INPP4B: variants seen among roughly 807,000 people sequenced by gnomAD.
INPP4B encodes the protein inositol polyphosphate-4-phosphatase type II B, also known as inositol polyphosphate 4-phosphatase type II.
INPP4B carries 55 observed loss-of-function variants against 122.5 expected under a neutral mutation model. The ratio of observed to expected loss-of-function variants is 0.45; its 90% CI spans 0.36 to 0.56. The LOEUF is 0.56. INPP4B is among the 20% of genes least tolerant of loss of function. The pLI is 0.00. For synonymous variants in INPP4B, 403 were observed against 388.7 expected (o/e 1.04, Z -0.43); for missense variants, 1,000 against 1,097.7 (o/e 0.91, Z 1.26).
At chr4:142,029,807 A>G in intron 25 of INPP4B, 1 of 1,007,374 alleles carries the variant, frequency 9.9e-7, no homozygotes. Flanking sequence ...TTCTTTAATA[A>G]ATTTAGTGGG....
chr4:142,517,437 G>A (rs1410856678), intron 2 of INPP4B, among the ~76,000 whole-genome samples: 1 of 152,066 alleles, frequency 6.6e-6, no homozygotes, highest in African/African-American at 2.4e-5. Flanking sequence ...ATGTTACGCA[G>A]CTGACAATAC....
intron 7 of INPP4B, among the ~76,000 whole-genome samples, chr4:142,354,628 T>C (rs567557368): frequency 2.6e-5 from 4 of 152,120 alleles, no homozygotes; most frequent in Admixed American, 6.5e-5. Flanking sequence ...GAATCCTAAA[T>C]TGTATTTAAT....
intron 2 of INPP4B, among the ~76,000 whole-genome samples, chr4:142,647,290 G>A (rs1751986303): frequency 6.6e-6 from 1 of 152,118 alleles, no homozygotes. Flanking sequence ...GTATCTTCAG[G>A]TAAATTTTAA....
chr4:142,358,455 C>T (rs1173287457), intron 7 of INPP4B, among the ~76,000 whole-genome samples: 1 of 151,828 alleles, frequency 6.6e-6, no homozygotes, highest in Non-Finnish European at 1.5e-5. Flanking sequence ...CAATAGATTG[C>T]AAACTTCTTA....
chr4:142,200,232 G>A (rs1032795643), intron 14 of INPP4B, among the ~76,000 whole-genome samples: 2 of 151,764 alleles, frequency 1.3e-5, no homozygotes, highest in Non-Finnish European at 2.9e-5. Context: ...GCGCCTTAAG[G>A]TTGGCTGTTG....
At chr4:142,624,522 T>C (rs1183177131) in intron 2 of INPP4B, among the ~76,000 whole-genome samples, 1 of 152,160 alleles carries the variant, frequency 6.6e-6, no homozygotes, top group African/African-American at 2.4e-5. Flanking sequence ...CAGGACCAGA[T>C]GGATTCACAG....
At chr4:142,180,549 A>G (rs1487798267) in intron 15 of INPP4B, among the ~76,000 whole-genome samples, 1 of 152,144 alleles carries the variant, frequency 6.6e-6, no homozygotes, top group African/African-American at 2.4e-5. Context: ...ATATTATTTA[A>G]TTTTGACAAC....
At chr4:142,643,739 G>A (rs1751083818) in intron 2 of INPP4B, among the ~76,000 whole-genome samples, 1 of 152,006 alleles carries the variant, frequency 6.6e-6, no homozygotes, top group South Asian at 2.1e-4. Context: ...TAGCTAATTG[G>A]GCAGAGGTTT....
chr4:142,592,945 A>G (rs1366902155), intron 2 of INPP4B, among the ~76,000 whole-genome samples: 1 of 151,944 alleles, frequency 6.6e-6, no homozygotes, highest in African/African-American at 2.4e-5. Context: ...TACAAAATAA[A>G]AACAAAAAAT....
At chr4:142,685,448 G>A (rs117350117) in intron 2 of INPP4B, among the ~76,000 whole-genome samples, 29 of 152,142 alleles carry the variant, frequency 1.9e-4, no homozygotes, top group Admixed American at 1.3e-3. Flanking sequence ...TCCATGGGGC[G>A]AATTTCACAG....
intron 11 of INPP4B, among the ~76,000 whole-genome samples, chr4:142,254,111 G>A (rs1734216369): frequency 1.3e-5 from 2 of 152,040 alleles, no homozygotes; most frequent in Admixed American, 1.3e-4. Flanking sequence ...ACCTCACACG[G>A]CCGGTACTCC....
At chr4:142,171,454 A>T (rs1825603399) in intron 16 of INPP4B, among the ~76,000 whole-genome samples, 1 of 151,864 alleles carries the variant, frequency 6.6e-6, no homozygotes, top group Admixed American at 6.6e-5. Context: ...AGTATACAAC[A>T]AGCCCAAAAC....
intron 14 of INPP4B, among the ~76,000 whole-genome samples, chr4:142,196,248 TCC>T (rs1838168490): frequency 6.6e-6 from 1 of 152,172 alleles, no homozygotes; most frequent in African/African-American, 2.4e-5. Context: ...TACGAACTCA[TCC>T]CTTTTAGTGT....
At chr4:142,059,306 C>CT (rs1421476437) in intron 25 of INPP4B, among the ~76,000 whole-genome samples, 10 of 152,200 alleles carry the variant, frequency 6.6e-5, no homozygotes, top group Admixed American at 5.9e-4. Flanking sequence ...CACTTTCTCC[C>CT]TGTAGCCCCT....
intron 7 of INPP4B, among the ~76,000 whole-genome samples, chr4:142,372,283 G>A (rs553311760): frequency 2.6e-5 from 4 of 152,126 alleles, no homozygotes; most frequent in African/African-American, 9.6e-5. Flanking sequence ...CTGGGAAGGG[G>A]AGATGGTTTA....
At chr4:142,131,132 T>C (rs1203772171) in intron 18 of INPP4B, among the ~76,000 whole-genome samples, 1 of 152,208 alleles carries the variant, frequency 6.6e-6, no homozygotes, top group Admixed American at 6.5e-5. Context: ...GCTTATTTTG[T>C]TGCCTTTTGG....
At chr4:142,310,417 T>C (rs535936586) in intron 8 of INPP4B, among the ~76,000 whole-genome samples, 1 of 152,338 alleles carries the variant, frequency 6.6e-6, no homozygotes, top group East Asian at 1.9e-4. Flanking sequence ...TTTTTACTTT[T>C]TAAAAACACA....
intron 9 of INPP4B, among the ~76,000 whole-genome samples, chr4:142,288,705 A>AT (rs139169442): frequency 0.05 from 7,605 of 151,758 alleles, 610 homozygotes; most frequent in African/African-American, 0.17. Context: ...CATCCTTTCT[A>AT]TTTTTTTTCT....
At chr4:142,475,419 C>T (rs549172197) in intron 2 of INPP4B, among the ~76,000 whole-genome samples, 2 of 151,948 alleles carry the variant, frequency 1.3e-5, no homozygotes, top group East Asian at 3.9e-4. Flanking sequence ...ATTCTGGCAA[C>T]TCAAAAAGGC....
Sources: gnomAD v4.1 joint callset for allele counts (sites outside exome capture counted in the v4.1 genomes callset) on GRCh38, gnomAD v4.1.1 for gene constraint, MANE v1.5 for transcripts, NCBI Gene and HGNC (gene_info 2026-07-23, HGNC 2026-07-21) for gene names.